Variants in BCL11A observed in about 807,000 individuals in gnomAD.
The protein encoded by BCL11A is B cell CLL/lymphoma 11A.
In BCL11A, 2 loss-of-function variants were observed where a neutral mutation model predicts 55.9. The observed-to-expected ratio is 0.04, with a 90% confidence interval of 0.01 to 0.11. The LOEUF is 0.11. Among genes scored for constraint, BCL11A ranks in the 10% least tolerant of loss-of-function variants. The pLI is 1.00. For synonymous variants in BCL11A, 465 were observed against 473.4 expected (o/e 0.98, Z 0.23); for missense variants, 817 against 1,137.1 (o/e 0.72, Z 4.05).
chr2:60,487,282 A>G (rs1436758875), intron 2 of BCL11A, among the ~76,000 whole-genome samples: 1 of 152,244 alleles, frequency 6.6e-6, no homozygotes, highest in Non-Finnish European at 1.5e-5. Context: ...TCTTCATGCT[A>G]ATGTCAGCAG....
chr2:60,487,569 T>A (rs920054550), intron 2 of BCL11A, among the ~76,000 whole-genome samples: 1 of 152,132 alleles, frequency 6.6e-6, no homozygotes, highest in Non-Finnish European at 1.5e-5. Flanking sequence ...GATGCCTTTA[T>A]AAAATCCAGA....
chr2:60,524,558 AG>A (rs1262689537), intron 2 of BCL11A: 14 of 128,038 alleles, frequency 1.1e-4, no homozygotes, highest in Admixed American at 5.0e-4. Context: ...GCTGATTACC[AG>A]TGCCCTTACA....
chr2:60,523,372 A>G (rs1384509346), intron 2 of BCL11A, among the ~76,000 whole-genome samples: 1 of 152,224 alleles, frequency 6.6e-6, no homozygotes, highest in African/African-American at 2.4e-5. Context: ...GATAAATAGT[A>G]TGGAGATAAT....
At chr2:60,545,780 T>G in intron 2 of BCL11A, 191 bp downstream of exon 2, 1 of 594,478 alleles carries the variant, frequency 1.7e-6, no homozygotes, top group Non-Finnish European at 3.0e-6. Context: ...TTCAGTGAGG[T>G]GGAAAATATT....
chr2:60,452,747 T>A, downstream of BCL11A: 3 of 1,157,434 alleles, frequency 2.6e-6, no homozygotes, highest in Non-Finnish European at 3.8e-6. Flanking sequence ...GTTCTCTAAC[T>A]AGCTTTTTAA....
At chr2:60,450,729 G>C (rs1430654463), downstream of BCL11A, 1 of 152,240 alleles carries the variant, frequency 6.6e-6, no homozygotes, top group Non-Finnish European at 1.5e-5. Context: ...CAGGCCACTC[G>C]TGCAATCAGG....
chr2:60,547,260 ATGT>A (rs1424559021), intron 1 of BCL11A, among the ~76,000 whole-genome samples: 1 of 152,216 alleles, frequency 6.6e-6, no homozygotes, highest in Non-Finnish European at 1.5e-5. Flanking sequence ...ACTTCGCCTA[ATGT>A]TGTCAAAGTG....
At position 60,553,570 on chromosome 2, in the gene BCL11A, G is replaced by A. The variant is rs111946551; in HGVS notation, c.-300C>T. ...GAGAGAGAGAGAGATGAAAAAAATG[G>A]CAAAAGCCCCCCTGAGCTGCAAGTT... On this transcript the variant is annotated 5_prime_UTR_variant, in exon 1 of 4. Coordinates refer to ENST00000642384, the MANE Select transcript of BCL11A (RefSeq NM_022893.4). 10 of 387,260 alleles carry A rather than the reference G, an allele frequency of 2.6e-5. No individual in the cohort carries two copies. The highest frequency in any genetic ancestry group is 3.9e-5 in the Non-Finnish European group (9 of 230,892). 24.0% of individuals were successfully genotyped at this position (387,260 alleles called of 1,614,324 possible).
rs1297140111 is a variant in BCL11A, at chr2:60,467,218, GGTGATGGTGGTGGTGGTA to G, written c.487+1496_487+1513del. Among the ~76,000 whole-genome samples, 2 of 133,494 alleles carry G rather than the reference GGTGATGGTGGTGGTGGTA, an allele frequency of 1.5e-5. 1 individual carries two copies. The highest frequency in any genetic ancestry group is 5.7e-5 in the African/African-American group (2 of 34,890). The allele number at this position is 133,494 out of a possible 152,430, so 87.6% of individuals were successfully genotyped here. A position where few individuals can be genotyped will look rare whatever the true frequency, so the allele number is the denominator to read the frequency against. On this transcript the variant is annotated intron_variant, in intron 3 of 3. Transcript: ENST00000642384. ...TGGTGGTGATGGCGGTGATGGTACT[GGTGATGGTGGTGGTGGTA>G]GTGATGGTGGTGGTAATGGTGGTGG...
At position 60,459,725 on chromosome 2, in the gene BCL11A, C is replaced by T. The variant is rs2103809997; in HGVS notation, c.*679G>A. On this transcript the variant is annotated 3_prime_UTR_variant, in exon 4 of 4. Coordinates refer to ENST00000642384, the MANE Select transcript of BCL11A (RefSeq NM_022893.4). The stretch of plus-strand genomic sequence containing the variant: ...GATAGAATAAACTTGTTCTGTTTTT[C>T]TGTTAATTTGTCAATTCAAGGCCTT... 1.9e-6 allele frequency: 2 copies of T among 1,038,070 alleles called. No homozygotes were observed. Among genetic ancestry groups the T allele is most frequent in the Non-Finnish European group, 1.2e-6 (1 of 861,778 alleles). 64.3% of individuals were successfully genotyped at this position (1,038,070 alleles called of 1,614,324 possible). A position where few individuals can be genotyped will look rare whatever the true frequency, so the allele number is the denominator to read the frequency against.
At chr2:60,495,949 C>CA (rs1413858718) in intron 2 of BCL11A, among the ~76,000 whole-genome samples, 4 of 128,406 alleles carry the variant, frequency 3.1e-5, no homozygotes, top group African/African-American at 1.1e-4. Context: ...AGGGTGTTTT[C>CA]ACTATTCTTA....
chr2:60,513,674 G>A (rs1668591064), intron 2 of BCL11A, among the ~76,000 whole-genome samples: 1 of 152,150 alleles, frequency 6.6e-6, no homozygotes, highest in South Asian at 2.1e-4. Context: ...CAACAGCACG[G>A]ACTCATCCCT....
intron 2 of BCL11A, chr2:60,536,456 T>A (rs1224711290): frequency 6.6e-6 from 1 of 152,266 alleles, no homozygotes; most frequent in Non-Finnish European, 1.5e-5. Context: ...CACAACCATC[T>A]GTATGAGCCA....
At chr2:60,523,356 C>G (rs1004930625) in intron 2 of BCL11A, among the ~76,000 whole-genome samples, 6 of 152,186 alleles carry the variant, frequency 3.9e-5, no homozygotes, top group Non-Finnish European at 8.8e-5. Flanking sequence ...GAACAACAGA[C>G]TTTCAGATAA....
intron 2 of BCL11A, among the ~76,000 whole-genome samples, chr2:60,512,451 C>T (rs934262552): frequency 2.6e-5 from 4 of 152,194 alleles, no homozygotes; most frequent in Admixed American, 2.6e-4. Context: ...CTGTGCCACA[C>T]ACACTCGCCT....
At chr2:60,452,053 A>G (rs1675745396) in exon 5 of BCL11A, 1 of 225,604 alleles carries the variant, frequency 4.4e-6, no homozygotes, top group African/African-American at 2.2e-5. Flanking sequence ...TGTTCCTCCT[A>G]CCCACCCGAT....
chr2:60,515,671 C>T (rs1668697397), intron 2 of BCL11A, among the ~76,000 whole-genome samples: 4 of 152,220 alleles, frequency 2.6e-5, no homozygotes, highest in Admixed American at 2.6e-4. Flanking sequence ...CCAGCTACCT[C>T]TCTGAAACAC....
chr2:60,495,444 C>T (rs1174352242), intron 2 of BCL11A, among the ~76,000 whole-genome samples: 6 of 152,224 alleles, frequency 3.9e-5, no homozygotes, highest in Admixed American at 3.9e-4. Flanking sequence ...AGAGCCAGCC[C>T]TGTATCGCTT....
At chr2:60,530,350 AG>A (rs1333472279) in intron 2 of BCL11A, among the ~76,000 whole-genome samples, 1 of 149,776 alleles carries the variant, frequency 6.7e-6, no homozygotes, top group East Asian at 2.0e-4. Context: ...AAAAAAAAAA[AG>A]AGTTTCCACT....
Sources: gnomAD v4.1 joint callset for allele counts (sites outside exome capture counted in the v4.1 genomes callset) on GRCh38, gnomAD v4.1.1 for gene constraint, MANE v1.5 for transcripts, NCBI Gene and HGNC (gene_info 2026-07-23, HGNC 2026-07-21) for gene names.